Variants in CDK19 observed in about 807,000 individuals in gnomAD.
CDK19 encodes the protein cyclin dependent kinase 19.
Under a neutral mutation model 68.3 loss-of-function variants are expected in CDK19, and 20 were observed. That is an observed-to-expected ratio of 0.29 (90% CI 0.21 to 0.43). The LOEUF (loss-of-function observed/expected upper bound fraction) is 0.43, where lower values mean the gene tolerates loss of function less well. Ranked by LOEUF, CDK19 falls within the 20% of genes least tolerant of loss-of-function variation. The pLI, the probability that CDK19 is intolerant of heterozygous loss-of-function variation, is 1.00. For synonymous variants in CDK19, 221 were observed against 222.8 expected (o/e 0.99, Z 0.07); for missense variants, 339 against 623.5 (o/e 0.54, Z 4.86).
At chr6:110,752,993 G>T (rs576728964) in intron 1 of CDK19, among the ~76,000 whole-genome samples, 1 of 151,970 alleles carries the variant, frequency 6.6e-6, no homozygotes, top group Non-Finnish European at 1.5e-5. Flanking sequence ...GCAGTGGTAC[G>T]ACCTCAACTC....
intron 6 of CDK19, 95 bp downstream of exon 6, chr6:110,631,935 A>G (rs1020540624): frequency 1.5e-5 from 18 of 1,173,612 alleles, no homozygotes; most frequent in African/African-American, 1.3e-4. Flanking sequence ...ACAAAAATGT[A>G]TAAAATGGTT....
chr6:110,747,591 C>T (rs767735665), intron 1 of CDK19, among the ~76,000 whole-genome samples: 3 of 151,932 alleles, frequency 2.0e-5, no homozygotes, highest in South Asian at 2.1e-4. Context: ...TTAACAGTTA[C>T]GTTAAGATAT....
At chr6:110,790,689 T>C (rs370306759) in intron 1 of CDK19, among the ~76,000 whole-genome samples, 1 of 152,204 alleles carries the variant, frequency 6.6e-6, no homozygotes, top group African/African-American at 2.4e-5. Context: ...TTGATTTACA[T>C]ACTCTTTCCT....
At position 110,815,255 on chromosome 6, in the gene CDK19, G is replaced by GCGCCGCC. The variant is rs1222154905; in HGVS notation, c.-126_-120dup. On this transcript the variant is annotated 5_prime_UTR_variant, in exon 1 of 13. Transcript: ENST00000368911. The stretch of plus-strand genomic sequence containing the variant: ...ACAGCCGCCTCTCGCGCGCGCGCGC[G>GCGCCGCC]CGCCGCCCGCCGCCCGCCGCTCCGC... 220 of 1,154,278 alleles carry GCGCCGCC rather than the reference G, an allele frequency of 1.9e-4. 1 individual carries two copies. Among genetic ancestry groups the GCGCCGCC allele is most frequent in the African/African-American group, 1.7e-3 (100 of 59,308 alleles). The allele number at this position is 1,154,278 out of a possible 1,614,324, so 71.5% of individuals were successfully genotyped here. A position where few individuals can be genotyped will look rare whatever the true frequency, so the allele number is the denominator to read the frequency against.
chr6:110,660,302 G>A (rs775613803), intron 4 of CDK19, among the ~76,000 whole-genome samples: 26 of 152,104 alleles, frequency 1.7e-4, no homozygotes, highest in African/African-American at 4.8e-4. Flanking sequence ...GAGCCGGGGC[G>A]AGTACTTTTG....
intron 1 of CDK19, among the ~76,000 whole-genome samples, chr6:110,800,346 T>A (rs9481113): frequency 6.6e-6 from 1 of 152,092 alleles, no homozygotes; most frequent in African/African-American, 2.4e-5. Context: ...CTGGACCAGA[T>A]GGATTCACAG....
rs73526508 is a variant in CDK19 at position 110,689,997 on chromosome 6, T to C, written c.205-19456A>G. On this transcript the variant is annotated intron_variant, in intron 2 of 12. Coordinates refer to ENST00000368911, the MANE Select transcript of CDK19 (RefSeq NM_015076.5). ...TCTTTCCACTAGTGGTAAATTTCTT[T>C]CAGCAGAGGCATAGTTGCAGTGCTG... Among the ~76,000 whole-genome samples, 1,461 of 152,270 alleles carry C rather than the reference T, an allele frequency of 9.6e-3. 23 individuals are homozygous for C. Among genetic ancestry groups the C allele is most frequent in the African/African-American group, 0.034 (1,401 of 41,552 alleles).
chr6:110,798,316 A>C (rs1443279801), intron 1 of CDK19, among the ~76,000 whole-genome samples: 9 of 152,158 alleles, frequency 5.9e-5, no homozygotes, highest in African/African-American at 2.2e-4. Context: ...GAGAGGAAAA[A>C]TACAAGTTTG....
At chr6:110,790,751 G>C (rs1393306182) in intron 1 of CDK19, among the ~76,000 whole-genome samples, 1 of 151,970 alleles carries the variant, frequency 6.6e-6, no homozygotes, top group East Asian at 1.9e-4. Flanking sequence ...GAAAAACAAA[G>C]TTTTAACTGG....
At position 110,627,064 on chromosome 6, in the gene CDK19, G is replaced by A. The variant is rs1779136215; in HGVS notation, c.728C>T (p.Thr243Ile). 2 of 1,612,826 alleles carry A rather than the reference G, an allele frequency of 1.2e-6. No homozygotes were observed. The highest frequency in any genetic ancestry group is 2.7e-5 in the African/African-American group (2 of 74,890). Reference sequence around the variant, plus strand: ...TTGATCATGATGAAAGGGATTGCTTGTTTTTATATCTTCCTGACGACAGTG... The same window carrying A: ...TTGATCATGATGAAAGGGATTGCTTATTTTTATATCTTCCTGACGACAGTG... Reference protein sequence around the residue: ...IFHCRQEDIKTSNPFHHDQLD... With the variant: ...IFHCRQEDIKISNPFHHDQLD... Residue 243 changes from threonine to isoleucine, a missense_variant, in exon 7 of 13, where the codon ACA becomes ATA. Transcript: ENST00000368911.
chr6:110,640,630 C>T (rs1997010), intron 4 of CDK19, among the ~76,000 whole-genome samples: 35,388 of 151,952 alleles, frequency 0.23, 4,384 homozygotes, highest in African/African-American at 0.32. Context: ...AAATAAGGAA[C>T]AATAAAGAGA....
At chr6:110,715,508 T>C (rs1775316836) in intron 2 of CDK19, among the ~76,000 whole-genome samples, 1 of 152,172 alleles carries the variant, frequency 6.6e-6, no homozygotes, top group South Asian at 2.1e-4. Context: ...ACTTTTTTTT[T>C]TGAGACTAGT....
At chr6:110,646,344 T>A in intron 4 of CDK19, 1 of 1,466,096 alleles carries the variant, frequency 6.8e-7, no homozygotes, top group Non-Finnish European at 9.0e-7. Context: ...CGGCATGCAC[T>A]TCGAGTGCCT....
At chr6:110,735,692 G>C (rs1777197824) in intron 2 of CDK19, among the ~76,000 whole-genome samples, 1 of 152,196 alleles carries the variant, frequency 6.6e-6, no homozygotes, top group Non-Finnish European at 1.5e-5. Flanking sequence ...AGCAGAATAA[G>C]TAGCCTGAAG....
At chr6:110,759,419 A>AT (rs1779055898) in intron 1 of CDK19, among the ~76,000 whole-genome samples, 163 of 123,836 alleles carry the variant, frequency 1.3e-3, no homozygotes, top group African/African-American at 5.0e-3. Flanking sequence ...AAAAAAAAAA[A>AT]AAAAAAAAAA....
At chr6:110,713,054 G>A (rs1425919763) in intron 2 of CDK19, among the ~76,000 whole-genome samples, 1 of 151,940 alleles carries the variant, frequency 6.6e-6, no homozygotes, top group African/African-American at 2.4e-5. Flanking sequence ...AAAATTAGCT[G>A]GGCGTGGTGG....
At chr6:110,698,759 T>C (rs1317209452) in intron 2 of CDK19, among the ~76,000 whole-genome samples, 1 of 152,102 alleles carries the variant, frequency 6.6e-6, no homozygotes, top group African/African-American at 2.4e-5. Context: ...ACCTAAGTGC[T>C]CATTAACCAA....
At chr6:110,706,928 T>C (rs1774552537) in intron 2 of CDK19, 1 of 154,890 alleles carries the variant, frequency 6.5e-6, no homozygotes. Flanking sequence ...TCTTTCCCTT[T>C]GTCAATTTGG....
At chr6:110,750,258 G>C (rs190064914) in intron 1 of CDK19, among the ~76,000 whole-genome samples, 1 of 129,952 alleles carries the variant, frequency 7.7e-6, no homozygotes, top group Non-Finnish European at 1.7e-5. Context: ...TGAAAACCTG[G>C]ATGAGTAGAA....
Sources: allele counts gnomAD v4.1 joint callset (sites outside exome capture counted in the v4.1 genomes callset), GRCh38; gene constraint gnomAD v4.1.1; transcripts MANE v1.5; gene names NCBI Gene and HGNC (gene_info 2026-07-23, HGNC 2026-07-21).